Variants in CSF2RA observed in about 807,000 individuals in gnomAD.
CSF2RA encodes colony stimulating factor 2 receptor subunit alpha.
Under a neutral mutation model 51.6 loss-of-function variants are expected in CSF2RA, and 42 were observed. The ratio of observed to expected loss-of-function variants is 0.81; its 90% CI spans 0.64 to 1.05. The LOEUF is 1.05. Ranked by LOEUF, CSF2RA falls within the 50% of genes least tolerant of loss-of-function variation. The pLI, the probability that CSF2RA is intolerant of heterozygous loss-of-function variation, is 0.00. For synonymous variants in CSF2RA, 222 were observed against 193.0 expected (o/e 1.15, Z -1.24); for missense variants, 530 against 501.1 (o/e 1.06, Z -0.55).
chrX:1,315,214 G>T (rs1364678293), downstream of CSF2RA, among the ~76,000 whole-genome samples: 18 of 152,014 alleles, frequency 1.2e-4, no homozygotes, highest in Non-Finnish European at 1.0e-4. Flanking sequence ...ATGAGGACAG[G>T]TGTGGTGAAA....
At chrX:1,319,046 A>C in the CSF2RA span, among the ~76,000 whole-genome samples, 2 of 136,936 alleles carry the variant, frequency 1.5e-5, no homozygotes, top group Non-Finnish European at 3.3e-5. Flanking sequence ...CCCAGGCTGG[A>C]GTACAGTGGC....
the CSF2RA span, among the ~76,000 whole-genome samples, chrX:1,315,545 A>T: frequency 6.6e-6 from 1 of 152,160 alleles, no homozygotes; most frequent in Middle Eastern, 3.4e-3. Flanking sequence ...CTGAGATTAC[A>T]CGTGTGCACC....
chrX:1,313,869 G>A (rs2084291119), downstream of CSF2RA, among the ~76,000 whole-genome samples: 1 of 150,854 alleles, frequency 6.6e-6, no homozygotes, highest in Admixed American at 6.6e-5. Context: ...ACCTGTAATT[G>A]CAGTTGCTGT....
intron 2 of CSF2RA, among the ~76,000 whole-genome samples, chrX:1,280,928 T>TCCTTCTCCTCCTCCTCCTCCTC (rs2089880648): frequency 5.1e-4 from 10 of 19,790 alleles, no homozygotes; most frequent in Non-Finnish European, 5.7e-4. Flanking sequence ...TCCTCCTCCT[T>TCCTTCTCCTCCTCCTCCTCCTC]CTCCTCCTCC....
chrX:1,286,961 A>T (rs2090750469), intron 4 of CSF2RA, among the ~76,000 whole-genome samples: 1 of 151,948 alleles, frequency 6.6e-6, no homozygotes, highest in South Asian at 2.1e-4. Flanking sequence ...AAGGAGGGAG[A>T]AACACAGAGA....
At chrX:1,289,964 TTTTTG>T (rs1351679101) in intron 6 of CSF2RA, among the ~76,000 whole-genome samples, 7 of 151,472 alleles carry the variant, frequency 4.6e-5, no homozygotes, top group South Asian at 2.1e-4. Context: ...TTTGTGTTTG[TTTTTG>T]TTTTGTTTTG....
chrX:1,309,454 T>C lies in CSF2RA; in HGVS notation c.1178T>C (p.Val393Ala). 1.2e-6 allele frequency: 2 copies of C among 1,613,750 alleles called. No homozygotes were observed. Among genetic ancestry groups the C allele is most frequent in the Non-Finnish European group, 1.7e-6 (2 of 1,179,816 alleles). Residue 393 changes from valine (V) to alanine (A), a missense_variant, in exon 13 of 13, where the codon GTC (valine) becomes GCC (alanine). Val to Ala is a moderately conservative substitution (Grantham distance 64). Transcript: ENST00000381529. ...GAAGGGAAAGGCTACCGCGAAGAGG[T>C]CTTGACCGTGAAGGAAATTACCTGA... ...PEEGKGYREE[V>A]LTVKEIT
intron 9 of CSF2RA, 21 bp from the exon 10 acceptor site, chrX:1,300,466 TCTAA>T (rs770289113): frequency 1.2e-6 from 2 of 1,613,720 alleles, no homozygotes; most frequent in Non-Finnish European, 1.7e-6. Context: ...GACGCCTATC[TCTAA>T]CTTTCTTTTT....
chrX:1,286,674 A>T (rs1287908413), intron 4 of CSF2RA, among the ~76,000 whole-genome samples: 1 of 152,182 alleles, frequency 6.6e-6, no homozygotes, highest in Admixed American at 6.6e-5. Context: ...CCATAATCTC[A>T]CGGGAACCGG....
intron 7 of CSF2RA, among the ~76,000 whole-genome samples, chrX:1,291,703 G>A (rs1289164509): frequency 2.0e-5 from 3 of 152,114 alleles, no homozygotes; most frequent in African/African-American, 7.2e-5. Flanking sequence ...CCTGTACATG[G>A]TAGCTGCCCC....
At chrX:1,275,715 T>C (rs149814220) in intron 2 of CSF2RA, among the ~76,000 whole-genome samples, 47,237 of 149,438 alleles carry the variant, frequency 0.32, 9,111 homozygotes, top group Non-Finnish European at 0.44. Context: ...CCCACCACCA[T>C]GCCCAGCTAA....
intron 12 of CSF2RA, among the ~76,000 whole-genome samples, chrX:1,307,511 C>CTTTATACCTTCGACT (rs2083720319): frequency 1.8e-5 from 2 of 112,318 alleles, no homozygotes; most frequent in African/African-American, 7.0e-5. Flanking sequence ...CCACTCTCCC[C>CTTTATACCTTCGACT]GTTTAGACCT....
chrX:1,273,878 G>A (rs1289103000), intron 1 of CSF2RA, among the ~76,000 whole-genome samples: 2 of 151,792 alleles, frequency 1.3e-5, no homozygotes, highest in African/African-American at 4.8e-5. Flanking sequence ...GATGACAGGC[G>A]TGAGTCACCG....
chrX:1,288,602 T>G lies in CSF2RA; in HGVS notation c.303T>G (p.Ser101Arg). 2 of 1,613,968 alleles carry G rather than the reference T, an allele frequency of 1.2e-6. No individual in the cohort carries two copies. Among genetic ancestry groups the G allele is most frequent in the Non-Finnish European group, 8.5e-7 (1 of 1,179,864 alleles). Residue 101 changes from serine (S) to arginine (R), a missense_variant, in exon 5 of 13, where the codon AGT (serine) becomes AGG (arginine). Ser to Arg is a moderately radical substitution (Grantham distance 110). Transcript: ENST00000381529. ...CATTTGAGGTTCACGTGAATACTAG[T>G]CAAAGAGGATTTCAACAGAAACTGC... ...GVTFEVHVNT[S>R]QRGFQQKLLY...
At chrX:1,311,014 G>A (rs2084156243), downstream of CSF2RA, among the ~76,000 whole-genome samples, 1 of 151,980 alleles carries the variant, frequency 6.6e-6, no homozygotes, top group South Asian at 2.1e-4. Flanking sequence ...TTGGGAGGCC[G>A]AGGCTGGTGG....
intron 6 of CSF2RA, among the ~76,000 whole-genome samples, chrX:1,289,998 T>C (rs1429227174): frequency 2.6e-5 from 4 of 151,090 alleles, no homozygotes; most frequent in African/African-American, 9.7e-5. Context: ...TGTTTTTGTT[T>C]TGTGTTTTGT....
chrX:1,320,279 C>T, the CSF2RA span, among the ~76,000 whole-genome samples: 3 of 152,080 alleles, frequency 2.0e-5, no homozygotes, highest in African/African-American at 7.2e-5. Context: ...CCACCCGCCT[C>T]GGCCTCCCAA....
intron 3 of CSF2RA, among the ~76,000 whole-genome samples, chrX:1,285,058 A>AT (rs202071327): frequency 0.068 from 10,236 of 151,524 alleles, 1,085 homozygotes; most frequent in African/African-American, 0.23. Context: ...CCTAATTTAA[A>AT]TTTTTAAAAA....
At chrX:1,304,757 C>T (rs1442060386) in intron 11 of CSF2RA, among the ~76,000 whole-genome samples, 2 of 151,736 alleles carry the variant, frequency 1.3e-5, no homozygotes, top group Admixed American at 6.6e-5. Flanking sequence ...CTCCACCTCC[C>T]GGGTTCACGC....
Sources: allele counts gnomAD v4.1 joint callset (sites outside exome capture counted in the v4.1 genomes callset), GRCh38; gene constraint gnomAD v4.1.1; transcripts MANE v1.5; gene names NCBI Gene and HGNC (gene_info 2026-07-23, HGNC 2026-07-21).